The following FNDC3B variants were observed in gnomAD, a reference collection of about 807,000 sequenced individuals.
FNDC3B encodes the protein fibronectin type III domain containing 3B.
Under a neutral mutation model 151.5 loss-of-function variants are expected in FNDC3B, and 12 were observed. The observed-to-expected ratio is 0.08, with a 90% CI of 0.05 to 0.13. The LOEUF (loss-of-function observed/expected upper bound fraction) is 0.13, where lower values mean the gene tolerates loss of function less well. Ranked by LOEUF, FNDC3B falls within the 10% of genes least tolerant of loss-of-function variation. FNDC3B has a pLI of 1.00. For missense variants in FNDC3B, 1,214 were observed against 1,505.3 expected (o/e 0.81, Z 3.20); for synonymous variants, 528 against 549.0 (o/e 0.96, Z 0.54).
intron 4 of FNDC3B, among the ~76,000 whole-genome samples, chr3:172,238,084 A>C (rs1184949925): frequency 6.6e-6 from 1 of 152,244 alleles, no homozygotes; most frequent in Non-Finnish European, 1.5e-5. Flanking sequence ...AAGTAGTTTG[A>C]TGTTTTCAAC....
chr3:172,255,287 A>T (rs186937735), intron 6 of FNDC3B, among the ~76,000 whole-genome samples: 33 of 151,664 alleles, frequency 2.2e-4, no homozygotes, highest in Admixed American at 1.2e-3. Context: ...TTTTCTTTTG[A>T]GACGGAATTT....
At chr3:172,179,025 A>G (rs1723749151) in intron 3 of FNDC3B, among the ~76,000 whole-genome samples, 1 of 152,218 alleles carries the variant, frequency 6.6e-6, no homozygotes, top group African/African-American at 2.4e-5. Flanking sequence ...CATAGAGGTT[A>G]GTAGGCCATA....
intron 2 of FNDC3B, among the ~76,000 whole-genome samples, chr3:172,126,447 G>T (rs760720185): frequency 2.2e-4 from 34 of 152,204 alleles, no homozygotes; most frequent in Non-Finnish European, 4.1e-4. Context: ...AAGAATCTAA[G>T]TGTGCCTGGC....
intron 10 of FNDC3B, among the ~76,000 whole-genome samples, chr3:172,308,708 T>C (rs553952160): frequency 2.2e-4 from 34 of 152,348 alleles, no homozygotes; most frequent in African/African-American, 7.0e-4. Flanking sequence ...GAATCTGAAC[T>C]ATTTTATTTT....
At chr3:172,203,839 A>C (rs1725292740) in intron 3 of FNDC3B, among the ~76,000 whole-genome samples, 1 of 152,122 alleles carries the variant, frequency 6.6e-6, no homozygotes, top group East Asian at 1.9e-4. Context: ...TTCCCTTCAG[A>C]CTTTTACAAA....
In FNDC3B at chr3:172,377,671, AAC is replaced by A. The variant is rs139825850; in HGVS notation, c.3009-598_3009-597del. Among the ~76,000 whole-genome samples the A allele has an allele frequency of 1.5e-3, 229 of 152,340 alleles. 4 individuals are homozygous for A. The East Asian group carries it at 0.041, about 27-fold the overall frequency. On this transcript the variant is annotated intron_variant, in intron 23 of 25. Coordinates refer to ENST00000415807, the MANE Select transcript of FNDC3B (RefSeq NM_022763.4). ...GTGCTGTTTGTCTGTGATTTTGATG[AAC>A]CTGATGGATGATTCTGAACACAGCA...
chr3:172,329,026 G>A lies in FNDC3B; in HGVS notation c.1329G>A (p.Pro443=), dbSNP rs372880783. The change falls in exon 12 of 26, where the codon CCG becomes CCA. Residue 443 remains proline (P), a synonymous_variant. Coordinates refer to ENST00000415807, the MANE Select transcript of FNDC3B (RefSeq NM_022763.4). ...ACTGCAAGTTGACAAAGCTTTGTCC[G>A]GCAATGGGGTACACATTCAGGCTGG... ...QKHCKLTKLC[P]AMGYTFRLAA... is the part of the protein sequence containing the mutation. 274 of 1,613,760 alleles carry A rather than the reference G, an allele frequency of 1.7e-4. No individual in the cohort carries two copies. Among genetic ancestry groups the A allele is most frequent in the Non-Finnish European group, 2.2e-4 (254 of 1,179,856 alleles).
At chr3:172,082,261 C>T (rs4894802) in intron 1 of FNDC3B, among the ~76,000 whole-genome samples, 98,300 of 152,044 alleles carry the variant, frequency 0.65, 31,915 homozygotes, top group East Asian at 0.78. Flanking sequence ...TTTTCCTGTC[C>T]CCAAATAATG....
chr3:172,211,413 A>G (rs983052466), intron 3 of FNDC3B, among the ~76,000 whole-genome samples: 2 of 152,220 alleles, frequency 1.3e-5, no homozygotes, highest in African/African-American at 4.8e-5. Flanking sequence ...GACTGTCAGT[A>G]GCCCAGGGTT....
chr3:172,177,535 G>A (rs1358904061), intron 3 of FNDC3B, among the ~76,000 whole-genome samples: 3 of 148,876 alleles, frequency 2.0e-5, no homozygotes, highest in Non-Finnish European at 1.5e-5. Flanking sequence ...AAAGATTCAT[G>A]TCTTGAAAGC....
chr3:172,372,494 C>T (rs1734930183), intron 23 of FNDC3B, among the ~76,000 whole-genome samples: 3 of 152,196 alleles, frequency 2.0e-5, no homozygotes, highest in Admixed American at 6.5e-5. Flanking sequence ...TTGCTTTTGT[C>T]AGCAAGCGTG....
chr3:172,362,611 AT>A lies in FNDC3B; in HGVS notation c.2796-12del, dbSNP rs553297947. On this transcript the variant is annotated intron_variant, in intron 22 of 25. Transcript: ENST00000415807. ...TGCTGCTTTAACCTGCATTGTCTGT[AT>A]TTTTTTTTTCCTTTCTCTAGGATCA... 5,014 of 1,427,742 alleles carry A rather than the reference AT, an allele frequency of 3.5e-3. 7 individuals are homozygous for A. The highest frequency in any genetic ancestry group is 4.1e-3 in the Non-Finnish European group (4,226 of 1,029,440). 88.4% of individuals were successfully genotyped at this position (1,427,742 alleles called of 1,614,324 possible). A position where few individuals can be genotyped will look rare whatever the true frequency, so the allele number is the denominator to read the frequency against.
In FNDC3B at chr3:172,400,692, TTC is replaced by T. The variant is rs1308170474; in HGVS notation, c.*3219_*3220del. On this transcript the variant is annotated 3_prime_UTR_variant, in exon 26 of 26. Coordinates refer to ENST00000415807, the MANE Select transcript of FNDC3B (RefSeq NM_022763.4). ...TATGCCCAATAAATGTTTTAATTCT[TTC>T]TGACTTAAATAGGGTTTTTCTGCCA... 2 of 152,594 alleles carry T rather than the reference TTC, an allele frequency of 1.3e-5. No individual in the cohort carries two copies. Among genetic ancestry groups the T allele is most frequent in the African/African-American group, 4.8e-5 (2 of 41,458 alleles). 9.5% of individuals were successfully genotyped at this position (152,594 alleles called of 1,614,324 possible). A position where few individuals can be genotyped will look rare whatever the true frequency, so the allele number is the denominator to read the frequency against.
intron 1 of FNDC3B, among the ~76,000 whole-genome samples, chr3:172,053,373 G>T (rs543309993): frequency 1.3e-5 from 2 of 152,262 alleles, no homozygotes; most frequent in South Asian, 4.1e-4. Flanking sequence ...TATCTTATTT[G>T]TATCTCTAGA....
intron 9 of FNDC3B, among the ~76,000 whole-genome samples, chr3:172,305,895 C>T (rs1560068438): frequency 2.0e-5 from 3 of 152,180 alleles, no homozygotes; most frequent in South Asian, 4.1e-4. Flanking sequence ...TATATTATCA[C>T]GTGCCTACTT....
chr3:172,050,676 G>A (rs1339272699), intron 1 of FNDC3B, among the ~76,000 whole-genome samples: 3 of 150,788 alleles, frequency 2.0e-5, no homozygotes, highest in Middle Eastern at 6.8e-3. Flanking sequence ...GAGCCACCAC[G>A]CCCAGCCTTT....
chr3:172,166,336 T>C (rs967702176), intron 3 of FNDC3B, among the ~76,000 whole-genome samples: 45 of 152,324 alleles, frequency 3.0e-4, no homozygotes, highest in African/African-American at 1.0e-3. Context: ...TGGAATTACT[T>C]AATGAAATGA....
At chr3:172,161,824 A>C (rs1722785001) in intron 3 of FNDC3B, among the ~76,000 whole-genome samples, 1 of 152,204 alleles carries the variant, frequency 6.6e-6, no homozygotes, top group Non-Finnish European at 1.5e-5. Flanking sequence ...ACAAAACTCC[A>C]TTCCCATTAG....
intron 8 of FNDC3B, 38 bp from the exon 9 acceptor site, chr3:172,298,690 A>C (rs748160264): frequency 1.6e-5 from 24 of 1,509,402 alleles, no homozygotes; most frequent in Non-Finnish European, 2.2e-5. Context: ...TGCTTTTGAA[A>C]CTGGAATTAG....
Sources: gnomAD v4.1 joint callset for allele counts (sites outside exome capture counted in the v4.1 genomes callset) on GRCh38, gnomAD v4.1.1 for gene constraint, MANE v1.5 for transcripts, NCBI Gene and HGNC (gene_info 2026-07-23, HGNC 2026-07-21) for gene names.